FRMPD4: variants seen among roughly 807,000 people sequenced by gnomAD.
FRMPD4 encodes the protein FERM and PDZ domain containing 4, also known as FERM and PDZ domain-containing protein 4.
FRMPD4 carries 22 observed loss-of-function variants against 94.1 expected under a neutral mutation model. The observed-to-expected ratio is 0.23, with a 90% confidence interval of 0.17 to 0.33. FRMPD4 has a LOEUF of 0.33. Ranked by LOEUF, FRMPD4 falls within the 10% of genes least tolerant of loss-of-function variation. The pLI, the probability that FRMPD4 is intolerant of heterozygous loss-of-function variation, is 1.00. For synonymous variants in FRMPD4, 631 were observed against 548.6 expected, an observed-to-expected ratio of 1.15 and a Z score of -2.10; for missense variants, 1,111 against 1,339.9, an observed-to-expected ratio of 0.83 and a Z score of 2.67.
intron 1 of FRMPD4, among the ~76,000 whole-genome samples, chrX:12,162,148 G>A (rs1403475842): frequency 8.9e-6 from 1 of 112,357 alleles, no homozygotes; most frequent in African/African-American, 3.2e-5. Context: ...TTGAATTGCA[G>A]GTAAAACTAG....
chrX:12,478,827 T>C (rs1602000715), intron 1 of FRMPD4, among the ~76,000 whole-genome samples: 1 of 111,767 alleles, frequency 8.9e-6, no homozygotes. Flanking sequence ...CTTGTTTAGA[T>C]AATTAAATGT....
At chrX:12,429,020 T>C (rs2056983480) in intron 1 of FRMPD4, among the ~76,000 whole-genome samples, 1 of 112,062 alleles carries the variant, frequency 8.9e-6, no homozygotes, top group African/African-American at 3.2e-5. Flanking sequence ...ACCCCAAATA[T>C]TACTACTAGC....
chrX:11,843,455 T>C (rs1244765336), intron 1 of FRMPD4, among the ~76,000 whole-genome samples: 1 of 112,316 alleles, frequency 8.9e-6, no homozygotes, highest in Admixed American at 9.4e-5. Flanking sequence ...GTTATACTTT[T>C]TCTTATGTTC....
upstream of FRMPD4, among the ~76,000 whole-genome samples, chrX:12,134,096 T>C (rs533684356): frequency 1.8e-5 from 2 of 112,435 alleles, no homozygotes; most frequent in South Asian, 7.4e-4. Flanking sequence ...TCCGTCTGCA[T>C]GGAATGCTCT....
chrX:11,877,536 C>G (rs186544263), intron 2 of FRMPD4, among the ~76,000 whole-genome samples: 80 of 112,202 alleles, frequency 7.1e-4, no homozygotes, highest in African/African-American at 2.6e-3. Flanking sequence ...GGGGTCAGCA[C>G]AGAACTGCAG....
At chrX:12,660,877 A>G (rs1488902809) in intron 4 of FRMPD4, among the ~76,000 whole-genome samples, 1 of 111,487 alleles carries the variant, frequency 9.0e-6, no homozygotes, top group Non-Finnish European at 1.9e-5. Flanking sequence ...TTCTTTTGTC[A>G]TATGTTGTTG....
chrX:12,406,514 C>G (rs1272851611), intron 1 of FRMPD4, among the ~76,000 whole-genome samples: 1 of 111,926 alleles, frequency 8.9e-6, no homozygotes, highest in Non-Finnish European at 1.9e-5. Flanking sequence ...GCAATGCAGC[C>G]CTCTCTCCCT....
intron 1 of FRMPD4, among the ~76,000 whole-genome samples, chrX:12,335,139 CT>C (rs1310290124): frequency 1.9e-3 from 190 of 101,622 alleles, no homozygotes; most frequent in Admixed American, 2.3e-3. Flanking sequence ...TTCTTTCTTT[CT>C]TTTTTTTTTT....
intron 1 of FRMPD4, among the ~76,000 whole-genome samples, chrX:12,455,285 G>A (rs781112025): frequency 8.1e-5 from 9 of 111,598 alleles, no homozygotes; most frequent in East Asian, 5.6e-4. Flanking sequence ...CATCACCACC[G>A]TATATGTTCA....
intron 3 of FRMPD4, among the ~76,000 whole-genome samples, chrX:11,942,243 T>G (rs1351236068): frequency 9.6e-6 from 1 of 104,037 alleles, no homozygotes; most frequent in Non-Finnish European, 2.0e-5. Flanking sequence ...TTTTTTTTTT[T>G]TTTTTGAGAG....
intron 3 of FRMPD4, among the ~76,000 whole-genome samples, chrX:12,100,919 C>G (rs1186976094): frequency 1.8e-5 from 2 of 112,428 alleles, no homozygotes; most frequent in Non-Finnish European, 3.8e-5. Context: ...TCTGTGGTCC[C>G]TAAAGACAGG....
chrX:11,876,004 T>G (rs1019499592), intron 2 of FRMPD4, among the ~76,000 whole-genome samples: 1 of 106,711 alleles, frequency 9.4e-6, no homozygotes. Context: ...GCCTCCGGAG[T>G]AGCTGGGACT....
At chrX:12,534,695 C>A (rs2058320210) in intron 2 of FRMPD4, among the ~76,000 whole-genome samples, 1 of 112,588 alleles carries the variant, frequency 8.9e-6, no homozygotes, top group Admixed American at 9.3e-5. Context: ...GGGCCTGTAG[C>A]CCCCGTGTTC....
chrX:12,540,982 A>C (rs1486553931), intron 2 of FRMPD4, among the ~76,000 whole-genome samples: 1 of 112,083 alleles, frequency 8.9e-6, no homozygotes, highest in Non-Finnish European at 1.9e-5. Context: ...CCTGCTCCTG[A>C]ATGACTACTG....
chrX:12,175,738 T>A (rs1440534105), intron 1 of FRMPD4, among the ~76,000 whole-genome samples: 1 of 111,517 alleles, frequency 9.0e-6, no homozygotes, highest in African/African-American at 3.3e-5. Context: ...GGTCTCAAAC[T>A]CTTGACCTTG....
intron 3 of FRMPD4, among the ~76,000 whole-genome samples, chrX:11,916,881 T>C (rs1028002495): frequency 8.1e-5 from 9 of 111,423 alleles, no homozygotes; most frequent in African/African-American, 2.9e-4. Flanking sequence ...CCTACTAAAA[T>C]GCCAGATACC....
intron 4 of FRMPD4, among the ~76,000 whole-genome samples, chrX:12,628,006 T>C (rs1215862561): frequency 9.0e-6 from 1 of 111,520 alleles, no homozygotes; most frequent in Non-Finnish European, 1.9e-5. Context: ...GGCTGTGTAT[T>C]TTCCCTGTGG....
chrX:12,123,123 CTTTT>C (rs58251577), intron 3 of FRMPD4, among the ~76,000 whole-genome samples: 220 of 84,303 alleles, frequency 2.6e-3, no homozygotes, highest in African/African-American at 7.7e-3. Context: ...ATTTTCTTTT[CTTTT>C]TTTTTTTTTT....
intron 3 of FRMPD4, among the ~76,000 whole-genome samples, chrX:12,015,281 T>A: frequency 9.0e-6 from 1 of 111,356 alleles, no homozygotes; most frequent in Admixed American, 9.5e-5. Context: ...CAGGTCTGTT[T>A]GGCCATCTCC....
Sources: gnomAD v4.1 joint callset for allele counts (sites outside exome capture counted in the v4.1 genomes callset) on GRCh38, gnomAD v4.1.1 for gene constraint, MANE v1.5 for transcripts, NCBI Gene and HGNC (gene_info 2026-07-23, HGNC 2026-07-21) for gene names.